RPS6KC1: variants seen among roughly 807,000 people sequenced by gnomAD.
RPS6KC1 encodes inactive ribosomal protein S6 kinase delta-1.
A neutral mutation model predicts 103.8 loss-of-function variants in RPS6KC1; 54 were observed. The ratio of observed to expected loss-of-function variants is 0.52; its 90% CI spans 0.42 to 0.65. The LOEUF (loss-of-function observed/expected upper bound fraction) is 0.65, where lower values mean the gene tolerates loss of function less well. RPS6KC1 is among the 30% of genes least tolerant of loss of function. The pLI is 0.00. For synonymous variants in RPS6KC1, 439 were observed against 438.7 expected, an observed-to-expected ratio of 1.00 and a Z score of -0.01; for missense variants, 1,151 against 1,253.8, an observed-to-expected ratio of 0.92 and a Z score of 1.24.
At chr1:213,764,161 C>T in the RPS6KC1 span, among the ~76,000 whole-genome samples, 1 of 152,174 alleles carries the variant, frequency 6.6e-6, no homozygotes, top group African/African-American at 2.4e-5. Context: ...CACCTTCATG[C>T]ACTTGTTCAG....
At chr1:213,128,615 T>C (rs1456303644) in intron 5 of RPS6KC1, among the ~76,000 whole-genome samples, 1 of 152,170 alleles carries the variant, frequency 6.6e-6, no homozygotes, top group African/African-American at 2.4e-5. Flanking sequence ...CTTTTTTGTC[T>C]GAAAACTAAG....
At chr1:213,085,284 G>T (rs1472827196) in intron 3 of RPS6KC1, among the ~76,000 whole-genome samples, 2 of 151,948 alleles carry the variant, frequency 1.3e-5, no homozygotes, top group African/African-American at 4.8e-5. Flanking sequence ...AATTGCCCTC[G>T]ACTCTCTTAT....
chr1:213,355,428 G>A, the RPS6KC1 span, among the ~76,000 whole-genome samples: 4 of 152,088 alleles, frequency 2.6e-5, no homozygotes, highest in Non-Finnish European at 5.9e-5. Context: ...CCTTAGACAG[G>A]GGTCTATACA....
At chr1:213,293,175 C>G in the RPS6KC1 span, among the ~76,000 whole-genome samples, 2 of 152,180 alleles carry the variant, frequency 1.3e-5, no homozygotes, top group Non-Finnish European at 2.9e-5. Flanking sequence ...GTATAACTTT[C>G]TTCTGAATTT....
At chr1:213,397,588 T>TAC in the RPS6KC1 span, among the ~76,000 whole-genome samples, 1,736 of 140,448 alleles carry the variant, frequency 0.012, 20 homozygotes, top group African/African-American at 0.018. Context: ...CAGGAACACA[T>TAC]ACACACACAC....
the RPS6KC1 span, among the ~76,000 whole-genome samples, chr1:213,510,687 A>G: frequency 8.3e-4 from 127 of 152,208 alleles, no homozygotes; most frequent in African/African-American, 3.0e-3. Flanking sequence ...CTAGGAAACC[A>G]TTTCACTGTT....
At chr1:213,397,628 G>C in the RPS6KC1 span, among the ~76,000 whole-genome samples, 7 of 119,104 alleles carry the variant, frequency 5.9e-5, no homozygotes, top group Non-Finnish European at 1.2e-4. Flanking sequence ...CACACACACA[G>C]ACACTTTGAG....
the RPS6KC1 span, among the ~76,000 whole-genome samples, chr1:213,749,468 A>G: frequency 6.6e-6 from 1 of 152,298 alleles, no homozygotes; most frequent in Admixed American, 6.5e-5. Flanking sequence ...AGACTGGGGC[A>G]TACAACTGCC....
chr1:213,406,154 C>A, the RPS6KC1 span, among the ~76,000 whole-genome samples: 1 of 152,166 alleles, frequency 6.6e-6, no homozygotes, highest in East Asian at 1.9e-4. Flanking sequence ...TGGTGAATTT[C>A]CACTGGCTCC....
the RPS6KC1 span, among the ~76,000 whole-genome samples, chr1:213,363,759 C>CT: frequency 3.2e-3 from 181 of 56,622 alleles, 8 homozygotes; most frequent in Middle Eastern, 8.5e-3. Flanking sequence ...CTCTTTCTCT[C>CT]TTCTTTCTTT....
chr1:213,303,892 C>T, the RPS6KC1 span, among the ~76,000 whole-genome samples: 2 of 152,080 alleles, frequency 1.3e-5, no homozygotes, highest in South Asian at 4.1e-4. Context: ...TGACCATTGC[C>T]TGAATTGCGT....
the RPS6KC1 span, among the ~76,000 whole-genome samples, chr1:213,504,517 G>A: frequency 2.0e-5 from 3 of 152,078 alleles, no homozygotes; most frequent in African/African-American, 4.8e-5. Flanking sequence ...TAAATCCCAG[G>A]CCTTTCCCTT....
chr1:213,075,194 T>C (rs753730094), intron 2 of RPS6KC1, among the ~76,000 whole-genome samples: 12 of 152,122 alleles, frequency 7.9e-5, no homozygotes, highest in Admixed American at 7.9e-4. Flanking sequence ...TTCCATGAGC[T>C]ACAGTCTTTT....
At chr1:213,071,168 T>C in intron 2 of RPS6KC1, 127 bp downstream of exon 2, 1 of 552,656 alleles carries the variant, frequency 1.8e-6, no homozygotes, top group Non-Finnish European at 3.2e-6. Context: ...TCGCTCCTGT[T>C]GCTCAGGCTG....
the RPS6KC1 span, among the ~76,000 whole-genome samples, chr1:213,311,236 T>C: frequency 6.6e-6 from 1 of 152,048 alleles, no homozygotes; most frequent in African/African-American, 2.4e-5. Context: ...CCTTCCGGGT[T>C]CACGCCATTC....
At chr1:213,670,271 G>T in the RPS6KC1 span, among the ~76,000 whole-genome samples, 2 of 152,128 alleles carry the variant, frequency 1.3e-5, no homozygotes, top group South Asian at 4.1e-4. Flanking sequence ...GAGGGAGGAG[G>T]CTGTGCCAGT....
the RPS6KC1 span, among the ~76,000 whole-genome samples, chr1:213,854,819 G>T: frequency 6.6e-6 from 1 of 152,204 alleles, no homozygotes; most frequent in Admixed American, 6.5e-5. Context: ...CGCTGAGCCT[G>T]GGTCCAGCCC....
chr1:213,747,615 T>C, the RPS6KC1 span, among the ~76,000 whole-genome samples: 7 of 152,236 alleles, frequency 4.6e-5, no homozygotes, highest in Non-Finnish European at 1.0e-4. Flanking sequence ...ATATTTGCCA[T>C]GTACCAAGCA....
At chr1:213,084,131 C>T (rs1158454871) in intron 3 of RPS6KC1, among the ~76,000 whole-genome samples, 3 of 152,008 alleles carry the variant, frequency 2.0e-5, no homozygotes, top group East Asian at 1.9e-4. Context: ...ACTCTTTCTC[C>T]TTCCCTCTCT....
Sources: gnomAD v4.1 joint callset for allele counts (sites outside exome capture counted in the v4.1 genomes callset) on GRCh38, gnomAD v4.1.1 for gene constraint, MANE v1.5 for transcripts, NCBI Gene and HGNC (gene_info 2026-07-23, HGNC 2026-07-21) for gene names.